Variants in GRIN2B observed in about 807,000 individuals in gnomAD.
The protein encoded by GRIN2B is glutamate receptor ionotropic, NMDA 2B.
A neutral mutation model predicts 114.5 loss-of-function variants in GRIN2B; 5 were observed. The ratio of observed to expected loss-of-function variants is 0.04; its 90% CI spans 0.02 to 0.09. GRIN2B has a LOEUF of 0.09. GRIN2B is among the 10% of genes least tolerant of loss of function. The probability of loss-of-function intolerance (pLI) is 1.00; values close to 1 mark genes in which losing one functional copy is unlikely to be tolerated. For synonymous variants in GRIN2B, 787 were observed against 745.1 expected, an observed-to-expected ratio of 1.06 and a Z score of -0.92; for missense variants, 1,108 against 1,943.5, an observed-to-expected ratio of 0.57 and a Z score of 8.08.
chr12:13,790,056 A>T (rs1223683017), intron 3 of GRIN2B, among the ~76,000 whole-genome samples: 5 of 152,282 alleles, frequency 3.3e-5, no homozygotes, highest in South Asian at 2.1e-4. Flanking sequence ...CTTTGAGACA[A>T]CTGCTCACTT....
At chr12:13,859,183 G>A (rs1865712593) in intron 3 of GRIN2B, among the ~76,000 whole-genome samples, 1 of 152,188 alleles carries the variant, frequency 6.6e-6, no homozygotes. Context: ...TCACATGGCT[G>A]AGAATGAATA....
At chr12:13,608,340 C>T (rs973506273) in intron 10 of GRIN2B, among the ~76,000 whole-genome samples, 3 of 152,168 alleles carry the variant, frequency 2.0e-5, no homozygotes, top group Admixed American at 6.5e-5. Flanking sequence ...GTACCATGCA[C>T]TCAGAAAGCC....
At chr12:13,729,370 T>C (rs548746786) in intron 4 of GRIN2B, among the ~76,000 whole-genome samples, 1 of 152,320 alleles carries the variant, frequency 6.6e-6, no homozygotes, top group Admixed American at 6.5e-5. Flanking sequence ...CTCAGAGTCC[T>C]ATCTTCCTTC....
intron 4 of GRIN2B, among the ~76,000 whole-genome samples, chr12:13,696,589 T>A (rs891170186): frequency 6.6e-6 from 1 of 152,182 alleles, no homozygotes; most frequent in Non-Finnish European, 1.5e-5. Context: ...TACTCCAATA[T>A]GTGCCAGACC....
chr12:13,602,951 G>A (rs1159427163), intron 10 of GRIN2B, among the ~76,000 whole-genome samples: 4 of 152,124 alleles, frequency 2.6e-5, no homozygotes, highest in African/African-American at 9.7e-5. Flanking sequence ...AGATACCCTG[G>A]AGAGCCCAAT....
chr12:13,877,827 C>G (rs911151904), intron 2 of GRIN2B, among the ~76,000 whole-genome samples: 9 of 152,006 alleles, frequency 5.9e-5, no homozygotes, highest in African/African-American at 2.2e-4. Flanking sequence ...TTTTGGGAGG[C>G]GGAAGCAGGC....
At chr12:13,851,725 C>T (rs1328538668) in intron 3 of GRIN2B, among the ~76,000 whole-genome samples, 2 of 152,188 alleles carry the variant, frequency 1.3e-5, no homozygotes, top group African/African-American at 2.4e-5. Context: ...TTCGTTCTCA[C>T]CATCCTCTCA....
At chr12:13,613,520 C>T (rs1385049790) in intron 8 of GRIN2B, among the ~76,000 whole-genome samples, 2 of 152,016 alleles carry the variant, frequency 1.3e-5, no homozygotes, top group East Asian at 3.9e-4. Flanking sequence ...TGTGTTTTTT[C>T]ATTGTATTAC....
chr12:13,966,739 A>C (rs1486293925), intron 2 of GRIN2B, among the ~76,000 whole-genome samples: 5 of 152,198 alleles, frequency 3.3e-5, no homozygotes, highest in Non-Finnish European at 7.3e-5. Flanking sequence ...CACGATAATT[A>C]ATATTTATAC....
At chr12:13,777,120 G>A (rs1864020307) in intron 3 of GRIN2B, among the ~76,000 whole-genome samples, 1 of 152,146 alleles carries the variant, frequency 6.6e-6, no homozygotes, top group Non-Finnish European at 1.5e-5. Flanking sequence ...AAGAATCTAA[G>A]TAAGAATCGC....
chr12:13,592,111 G>A (rs539272821), intron 10 of GRIN2B, among the ~76,000 whole-genome samples: 2 of 152,298 alleles, frequency 1.3e-5, no homozygotes, highest in East Asian at 1.9e-4. Flanking sequence ...ATGAGCACTT[G>A]CTCAATGATT....
chr12:13,595,105 G>A (rs1425107182), intron 10 of GRIN2B, among the ~76,000 whole-genome samples: 2 of 152,146 alleles, frequency 1.3e-5, no homozygotes, highest in African/African-American at 4.8e-5. Flanking sequence ...AAGGTAACAG[G>A]GTGAAGCAGT....
At chr12:13,605,551 T>TCTCTCTCTCTCTCACACACACA in intron 10 of GRIN2B, among the ~76,000 whole-genome samples, 4 of 30,446 alleles carry the variant, frequency 1.3e-4, no homozygotes, top group African/African-American at 2.1e-4. Context: ...TCTCTCTCTC[T>TCTCTCTCTCTCTCACACACACA]GACACACACA....
intron 5 of GRIN2B, among the ~76,000 whole-genome samples, chr12:13,624,829 T>G (rs1029112872): frequency 6.6e-6 from 1 of 152,174 alleles, no homozygotes; most frequent in African/African-American, 2.4e-5. Flanking sequence ...CTCAGCGCTG[T>G]GTGTACCCAT....
intron 5 of GRIN2B, among the ~76,000 whole-genome samples, chr12:13,649,499 C>A (rs889582047): frequency 3.9e-5 from 6 of 152,048 alleles, no homozygotes; most frequent in African/African-American, 1.4e-4. Flanking sequence ...AATTAAGCAA[C>A]TTTTTTTACT....
At chr12:13,868,454 GTACA>G (rs1490481893) in intron 2 of GRIN2B, among the ~76,000 whole-genome samples, 1 of 136,736 alleles carries the variant, frequency 7.3e-6, no homozygotes, top group African/African-American at 2.9e-5. Flanking sequence ...TGTGGACAAA[GTACA>G]CACACACACA....
At chr12:13,870,502 TGCTCAGAGCAG>T (rs1046419026) in intron 2 of GRIN2B, among the ~76,000 whole-genome samples, 13 of 152,246 alleles carry the variant, frequency 8.5e-5, no homozygotes, top group Middle Eastern at 3.4e-3. Flanking sequence ...GTCTACACTT[TGCTCAGAGCAG>T]GCTCAGAGCA....
rs1293141895 is a variant in GRIN2B at position 13,550,995 on chromosome 12, T to A, written c.*11788A>T. 1 of 152,132 alleles carries A rather than the reference T, an allele frequency of 6.6e-6. No homozygotes were observed. Among genetic ancestry groups the A allele is most frequent in the Non-Finnish European group, 1.5e-5 (1 of 68,022 alleles). The allele number at this position is 152,132 out of a possible 1,614,324, so 9.4% of individuals were successfully genotyped here. A position where few individuals can be genotyped will look rare whatever the true frequency, so the allele number is the denominator to read the frequency against. ...GTGCCCTCATTGACTTCTAAATGCA[T>A]TTATATCAAAGAAAGGGTGATTTTA... On this transcript the variant is annotated 3_prime_UTR_variant, in exon 14 of 14. Transcript: ENST00000609686.
chr12:13,897,820 G>A (rs1866377542), intron 2 of GRIN2B, among the ~76,000 whole-genome samples: 1 of 152,002 alleles, frequency 6.6e-6, no homozygotes, highest in South Asian at 2.1e-4. Flanking sequence ...ATGAAAGCAT[G>A]TTTTTATTGG....
Sources: allele counts gnomAD v4.1 joint callset (sites outside exome capture counted in the v4.1 genomes callset), GRCh38; gene constraint gnomAD v4.1.1; transcripts MANE v1.5; gene names NCBI Gene and HGNC (gene_info 2026-07-23, HGNC 2026-07-21).